PAK3: variants seen among roughly 807,000 people sequenced by gnomAD.
PAK3 encodes serine/threonine-protein kinase PAK 3.
Under a neutral mutation model 41.0 loss-of-function variants are expected in PAK3, and 4 were observed. The ratio of observed to expected loss-of-function variants is 0.10; its 90% CI spans 0.05 to 0.22. The LOEUF (loss-of-function observed/expected upper bound fraction) is 0.22. Among genes scored for constraint, PAK3 ranks in the 10% least tolerant of loss-of-function variants. The pLI, the probability that PAK3 is intolerant of heterozygous loss-of-function variation, is 1.00. For missense variants in PAK3, 205 were observed against 409.9 expected, an observed-to-expected ratio of 0.50 and a Z score of 4.32; for synonymous variants, 146 against 139.6, an observed-to-expected ratio of 1.05 and a Z score of -0.32.
intron 1 of PAK3, among the ~76,000 whole-genome samples, chrX:111,027,113 G>T (rs1024367553): frequency 9.0e-6 from 1 of 111,386 alleles, no homozygotes; most frequent in African/African-American, 3.3e-5. Context: ...GCCACATGTA[G>T]AAGAATGAAA....
At chrX:110,981,858 G>GC (rs2091452996) in intron 1 of PAK3, among the ~76,000 whole-genome samples, 1 of 111,126 alleles carries the variant, frequency 9.0e-6, no homozygotes, top group Admixed American at 9.6e-5. Context: ...ATTTGAAGTG[G>GC]GAAAAAAGGG....
chrX:111,160,040 A>G (rs2094150847), intron 8 of PAK3, among the ~76,000 whole-genome samples: 1 of 111,824 alleles, frequency 8.9e-6, no homozygotes, highest in Non-Finnish European at 1.9e-5. Flanking sequence ...GTAATGGTCT[A>G]TTAATAGGCT....
At chrX:110,986,337 G>C (rs755413879) in intron 1 of PAK3, among the ~76,000 whole-genome samples, 3 of 111,903 alleles carry the variant, frequency 2.7e-5, no homozygotes, top group Non-Finnish European at 5.6e-5. Context: ...CACATGGGAA[G>C]AGAAATTGAC....
At chrX:111,069,980 C>T (rs1013670344) in intron 1 of PAK3, among the ~76,000 whole-genome samples, 1 of 111,628 alleles carries the variant, frequency 9.0e-6, no homozygotes, top group African/African-American at 3.3e-5. Context: ...TTGTGTTCTG[C>T]TAACCTTTCT....
intron 4 of PAK3, among the ~76,000 whole-genome samples, chrX:111,107,998 T>C (rs1307582971): frequency 8.9e-6 from 1 of 111,801 alleles, no homozygotes; most frequent in Non-Finnish European, 1.9e-5. Flanking sequence ...TTCAAATGGG[T>C]GAAAGACACA....
At chrX:111,106,126 A>G (rs1488797039) in intron 4 of PAK3, among the ~76,000 whole-genome samples, 2 of 110,281 alleles carry the variant, frequency 1.8e-5, no homozygotes, top group East Asian at 5.8e-4. Flanking sequence ...CCCCACTCGT[A>G]CATCACACAT....
chrX:110,951,521 C>G (rs982054871), intron 1 of PAK3, among the ~76,000 whole-genome samples: 7 of 111,723 alleles, frequency 6.3e-5, no homozygotes, highest in African/African-American at 2.3e-4. Flanking sequence ...AGTTACACTC[C>G]AACTACAGTG....
At chrX:111,192,935 C>T (rs950915609) in intron 13 of PAK3, among the ~76,000 whole-genome samples, 2 of 111,752 alleles carry the variant, frequency 1.8e-5, no homozygotes, top group African/African-American at 6.5e-5. Context: ...TTGTCTGGAG[C>T]CAGTACAATT....
chrX:111,141,661 G>A (rs1018979948), intron 5 of PAK3, among the ~76,000 whole-genome samples: 14 of 111,922 alleles, frequency 1.3e-4, no homozygotes, highest in African/African-American at 2.6e-4. Flanking sequence ...ATTAGCTATC[G>A]TTAACATAGA....
At chrX:111,165,223 A>G (rs941288675) in intron 10 of PAK3, among the ~76,000 whole-genome samples, 1 of 112,037 alleles carries the variant, frequency 8.9e-6, no homozygotes, top group South Asian at 3.8e-4. Flanking sequence ...ACTCAGAACT[A>G]CAATTGCTAG....
chrX:111,134,539 T>G (rs1229493295), intron 5 of PAK3, among the ~76,000 whole-genome samples: 1 of 112,001 alleles, frequency 8.9e-6, no homozygotes, highest in Non-Finnish European at 1.9e-5. Flanking sequence ...AGATAGGTGC[T>G]GGGGTACAAA....
chrX:111,173,159 G>T, intron 11 of PAK3, 78 bp downstream of exon 11: 2 of 540,442 alleles, frequency 3.7e-6, no homozygotes, highest in Non-Finnish European at 6.5e-6. Flanking sequence ...TAAGAGCTTG[G>T]GTTTCTGGTA....
chrX:111,192,859 C>T (rs2094572915), intron 13 of PAK3, among the ~76,000 whole-genome samples: 1 of 111,721 alleles, frequency 9.0e-6, no homozygotes, highest in Non-Finnish European at 1.9e-5. Context: ...ATCATAGCTC[C>T]ATTTTGGCAG....
chrX:111,205,905 AT>A lies in PAK3; in HGVS notation c.1407+9267del, dbSNP rs762035835. The stretch of plus-strand genomic sequence containing the variant: ...AGTGCTAGTCCCTTCTTGCACTAAT[AT>A]TCTGAAATGAAACATGAACAAATGT... On this transcript the variant is annotated intron_variant, in intron 16 of 17. Transcript: ENST00000372007. Among the ~76,000 whole-genome samples the A allele has an allele frequency of 2.7e-5, 3 of 112,059 alleles. No individual in the cohort carries two copies. In the East Asian group the frequency reaches 8.4e-4, roughly 31 times the overall value.
intron 1 of PAK3, among the ~76,000 whole-genome samples, chrX:111,087,923 A>G (rs2092902281): frequency 9.1e-6 from 1 of 109,513 alleles, no homozygotes; most frequent in African/African-American, 3.3e-5. Context: ...GACATCAGAC[A>G]CTGAGGGAGA....
At chrX:111,131,082 G>C (rs978413444) in intron 5 of PAK3, among the ~76,000 whole-genome samples, 1 of 111,791 alleles carries the variant, frequency 8.9e-6, no homozygotes, top group Admixed American at 9.5e-5. Context: ...TCAGCCAATG[G>C]AATATGCAAA....
chrX:111,171,639 A>G (rs972563373), intron 10 of PAK3, among the ~76,000 whole-genome samples: 6 of 111,989 alleles, frequency 5.4e-5, no homozygotes, highest in Non-Finnish European at 1.1e-4. Context: ...TAAACTTACT[A>G]AAAAAATGTT....
intron 7 of PAK3, among the ~76,000 whole-genome samples, chrX:111,149,156 A>G (rs1318028103): frequency 9.0e-6 from 1 of 111,390 alleles, no homozygotes; most frequent in Non-Finnish European, 1.9e-5. Flanking sequence ...CTCCAAAATG[A>G]TCTCCTTTGA....
At position 111,044,962 on chromosome X, in the gene PAK3, A is replaced by G. The variant is rs770274368; in HGVS notation, c.-27-78115A>G. Among the ~76,000 whole-genome samples, 5 of 112,117 alleles carry G rather than the reference A, an allele frequency of 4.5e-5. No homozygotes were observed. The South Asian group carries it at 1.5e-3, about 34-fold the overall frequency. ...GGCTGGGAGATGAAAGTTTCAGGCT[A>G]TATGACCTATGACATGAAAGCTTAC... On this transcript the variant is annotated intron_variant, in intron 1 of 14. Coordinates refer to the PAK3 transcript ENST00000425146.
Sources: allele counts gnomAD v4.1 joint callset (sites outside exome capture counted in the v4.1 genomes callset), GRCh38; gene constraint gnomAD v4.1.1; transcripts MANE v1.5; gene names NCBI Gene and HGNC (gene_info 2026-07-23, HGNC 2026-07-21).